The following GARNL3 variants were observed in gnomAD, a reference collection of about 807,000 sequenced individuals.
The protein encoded by GARNL3 is GTPase activating Rap/RanGAP domain like 3.
GARNL3 carries 63 observed loss-of-function variants against 125.0 expected under a neutral mutation model. The ratio of observed to expected loss-of-function variants is 0.50; its 90% CI spans 0.41 to 0.62. GARNL3 has a LOEUF of 0.62. GARNL3 is among the 20% of genes least tolerant of loss of function. The probability of loss-of-function intolerance (pLI) is 0.00; values close to 1 mark genes in which losing one functional copy is unlikely to be tolerated. For synonymous variants in GARNL3, 439 were observed against 457.5 expected, an observed-to-expected ratio of 0.96 and a Z score of 0.52; for missense variants, 994 against 1,244.0, an observed-to-expected ratio of 0.80 and a Z score of 3.02.
At chr9:127,290,532 G>A (rs1234997314) in intron 1 of GARNL3, among the ~76,000 whole-genome samples, 3 of 152,130 alleles carry the variant, frequency 2.0e-5, no homozygotes, top group Non-Finnish European at 2.9e-5. Context: ...AAATCTAGAA[G>A]GAGAAAATAA....
chr9:127,344,205 T>G, intron 14 of GARNL3, 30 bp from the exon 15 acceptor site: 1 of 1,457,856 alleles, frequency 6.9e-7, no homozygotes, highest in Middle Eastern at 1.8e-4. Flanking sequence ...CAACTGTTTG[T>G]GGAATTCATA....
intron 22 of GARNL3, among the ~76,000 whole-genome samples, chr9:127,380,670 C>T (rs1445958227): frequency 6.6e-6 from 1 of 152,100 alleles, no homozygotes; most frequent in Non-Finnish European, 1.5e-5. Flanking sequence ...GTCAAAGAAG[C>T]CAGACACAAA....
At chr9:127,235,577 T>C (rs1257855647) in intron 1 of GARNL3, among the ~76,000 whole-genome samples, 4 of 152,206 alleles carry the variant, frequency 2.6e-5, no homozygotes, top group African/African-American at 9.6e-5. Context: ...GAAATCATTG[T>C]GTCATGGATA....
intron 22 of GARNL3, among the ~76,000 whole-genome samples, chr9:127,368,213 G>T (rs1483566487): frequency 6.6e-6 from 1 of 151,782 alleles, no homozygotes; most frequent in East Asian, 1.9e-4. Context: ...ATTCGCCGAA[G>T]GGGTAGGGGT....
At chr9:127,229,098 A>C (rs2131125281) in intron 1 of GARNL3, among the ~76,000 whole-genome samples, 1 of 152,362 alleles carries the variant, frequency 6.6e-6, no homozygotes, top group East Asian at 1.9e-4. Context: ...TGCTGGGATT[A>C]CAGGTGTGAG....
chr9:127,375,480 AAAAG>A (rs1831852441), intron 22 of GARNL3, among the ~76,000 whole-genome samples: 1 of 151,894 alleles, frequency 6.6e-6, no homozygotes, highest in African/African-American at 2.4e-5. Context: ...AAAAAAAAAA[AAAAG>A]AAAAGAAAGA....
chr9:127,273,350 G>C (rs936884391), intron 1 of GARNL3, among the ~76,000 whole-genome samples: 5 of 152,144 alleles, frequency 3.3e-5, no homozygotes, highest in African/African-American at 1.2e-4. Flanking sequence ...TTGATTGTTA[G>C]AACAAATACC....
intron 21 of GARNL3, 44 bp downstream of exon 21, chr9:127,357,421 A>G (rs776813398): frequency 6.3e-7 from 1 of 1,594,148 alleles, no homozygotes; most frequent in South Asian, 1.1e-5. Context: ...AGAAAAGAGT[A>G]ATCATCGTTG....
intron 1 of GARNL3, among the ~76,000 whole-genome samples, chr9:127,238,604 C>T (rs1264469334): frequency 1.3e-5 from 2 of 152,232 alleles, no homozygotes; most frequent in East Asian, 1.9e-4. Context: ...TCCTCTCCTA[C>T]AGGTCCACTG....
At chr9:127,313,206 T>A in intron 3 of GARNL3, 1 of 499,636 alleles carries the variant, frequency 2.0e-6, no homozygotes, top group Non-Finnish European at 3.6e-6. Flanking sequence ...CTTGGCAGAT[T>A]TCTCCAGTCT....
chr9:127,246,092 G>A (rs1199374776), intron 2 of GARNL3, among the ~76,000 whole-genome samples: 1 of 152,160 alleles, frequency 6.6e-6, no homozygotes, highest in Non-Finnish European at 1.5e-5. Flanking sequence ...CTTAGGGAGT[G>A]GTGGGCAATG....
chr9:127,341,101 G>A (rs1458876301), intron 13 of GARNL3, among the ~76,000 whole-genome samples: 2 of 152,138 alleles, frequency 1.3e-5, no homozygotes, highest in African/African-American at 2.4e-5. Context: ...CTTCCCAGCT[G>A]GACCACCAGC....
intron 22 of GARNL3, among the ~76,000 whole-genome samples, chr9:127,378,764 T>A (rs1045017154): frequency 5.3e-5 from 8 of 152,110 alleles, no homozygotes; most frequent in Admixed American, 3.9e-4. Flanking sequence ...ATATATATAT[T>A]TTTTGTTTGT....
intron 1 of GARNL3, among the ~76,000 whole-genome samples, chr9:127,225,581 C>T (rs1247413329): frequency 2.0e-5 from 3 of 151,512 alleles, no homozygotes; most frequent in Non-Finnish European, 4.4e-5. Context: ...CGGGCCGTCG[C>T]GCGGGAGGTG....
chr9:127,361,009 C>G (rs1302932713), intron 21 of GARNL3, among the ~76,000 whole-genome samples: 1 of 152,226 alleles, frequency 6.6e-6, no homozygotes, highest in Non-Finnish European at 1.5e-5. Flanking sequence ...GAACTGCAGG[C>G]ATAGCCATGG....
At chr9:127,327,296 C>T (rs1381076353) in intron 7 of GARNL3, among the ~76,000 whole-genome samples, 3 of 152,106 alleles carry the variant, frequency 2.0e-5, no homozygotes, top group Non-Finnish European at 4.4e-5. Flanking sequence ...AGTAAACAAA[C>T]AAACAGAAAC....
At chr9:127,286,827 T>C (rs2131353985) in intron 1 of GARNL3, among the ~76,000 whole-genome samples, 1 of 152,348 alleles carries the variant, frequency 6.6e-6, no homozygotes, top group African/African-American at 2.4e-5. Flanking sequence ...ATGATTATTC[T>C]CTTGATTCTT....
intron 2 of GARNL3, among the ~76,000 whole-genome samples, chr9:127,258,610 T>C (rs2063531999): frequency 6.6e-6 from 1 of 152,150 alleles, no homozygotes; most frequent in East Asian, 1.9e-4. Context: ...CTGCACTCCA[T>C]CCTGGGCCAA....
At chr9:127,293,442 G>A (rs2064487829) in intron 2 of GARNL3, among the ~76,000 whole-genome samples, 1 of 152,022 alleles carries the variant, frequency 6.6e-6, no homozygotes, top group Non-Finnish European at 1.5e-5. Context: ...GTCCTTTGAA[G>A]CACAAAAGCT....
Sources: gnomAD v4.1 joint callset for allele counts (sites outside exome capture counted in the v4.1 genomes callset) on GRCh38, gnomAD v4.1.1 for gene constraint, MANE v1.5 for transcripts, NCBI Gene and HGNC (gene_info 2026-07-23, HGNC 2026-07-21) for gene names.